RAB38: variants seen among roughly 807,000 people sequenced by gnomAD.
RAB38 encodes ras-related protein Rab-38.
Under a neutral mutation model 18.4 loss-of-function variants are expected in RAB38, and 15 were observed. That is an observed-to-expected ratio of 0.82 (90% CI 0.55 to 1.26). RAB38 has a LOEUF of 1.26. Among genes scored for constraint, RAB38 ranks in the 50% most tolerant of loss-of-function variants. RAB38 has a pLI of 0.00. For missense variants in RAB38, 294 were observed against 267.4 expected, an observed-to-expected ratio of 1.10 and a Z score of -0.69; for synonymous variants, 101 against 104.4, an observed-to-expected ratio of 0.97 and a Z score of 0.20.
chr11:88,008,834 C>T, the RAB38 span, among the ~76,000 whole-genome samples: 2 of 152,116 alleles, frequency 1.3e-5, no homozygotes, highest in Non-Finnish European at 2.9e-5. Flanking sequence ...CCACCACGCC[C>T]GGCTAATTTT....
At chr11:88,108,812 C>CAGGCG (rs1942436077), downstream of RAB38, among the ~76,000 whole-genome samples, 1 of 152,150 alleles carries the variant, frequency 6.6e-6, no homozygotes, top group Non-Finnish European at 1.5e-5. Flanking sequence ...TCTTCAGGAG[C>CAGGCG]TCTTGTAAAG....
At chr11:88,098,819 A>T in the RAB38 span, 2 of 151,892 alleles carry the variant, frequency 1.3e-5, no homozygotes, top group Non-Finnish European at 2.9e-5. Flanking sequence ...TATGTTGCTT[A>T]TACTTGTGGT....
chr11:88,017,377 AC>A, the RAB38 span, among the ~76,000 whole-genome samples: 1 of 151,918 alleles, frequency 6.6e-6, no homozygotes, highest in Non-Finnish European at 1.5e-5. Context: ...ACACACACAC[AC>A]ACAAACGCAA....
the RAB38 span, among the ~76,000 whole-genome samples, chr11:87,940,166 CAAAAAAA>C: frequency 3.1e-5 from 4 of 127,462 alleles, no homozygotes; most frequent in African/African-American, 1.2e-4. Flanking sequence ...CCAGATAATA[CAAAAAAA>C]AAAAAAAGAG....
intron 1 of RAB38, 56 bp downstream of exon 1, chr11:88,175,127 A>G (rs1020725741): frequency 2.0e-6 from 3 of 1,488,052 alleles, no homozygotes; most frequent in Non-Finnish European, 2.7e-6. Context: ...CTGCCTCGAG[A>G]CTGGAAACCG....
At chr11:87,957,693 T>C in the RAB38 span, among the ~76,000 whole-genome samples, 3 of 151,960 alleles carry the variant, frequency 2.0e-5, no homozygotes, top group Non-Finnish European at 4.4e-5. Flanking sequence ...GAGAGTGACG[T>C]TTCTAGGTTT....
At chr11:87,973,368 C>T in the RAB38 span, among the ~76,000 whole-genome samples, 1 of 152,004 alleles carries the variant, frequency 6.6e-6, no homozygotes, top group East Asian at 1.9e-4. Flanking sequence ...CCACCTGATG[C>T]AAATAACTCT....
chr11:87,959,419 G>A, the RAB38 span, among the ~76,000 whole-genome samples: 15 of 152,104 alleles, frequency 9.9e-5, 1 homozygote, highest in South Asian at 2.5e-3. Flanking sequence ...GTACAAGAAC[G>A]CATATTCATA....
intron 2 of RAB38, among the ~76,000 whole-genome samples, chr11:88,117,279 T>C (rs1942567009): frequency 6.6e-6 from 1 of 152,186 alleles, no homozygotes; most frequent in South Asian, 2.1e-4. Flanking sequence ...CTGACTGAGC[T>C]TACCTACTAG....
At chr11:88,012,302 G>A in the RAB38 span, among the ~76,000 whole-genome samples, 1 of 152,142 alleles carries the variant, frequency 6.6e-6, no homozygotes, top group African/African-American at 2.4e-5. Flanking sequence ...AAGGACACTG[G>A]AGGAAGTAAC....
the RAB38 span, among the ~76,000 whole-genome samples, chr11:88,063,329 A>C: frequency 1.3e-5 from 2 of 152,100 alleles, no homozygotes; most frequent in African/African-American, 4.8e-5. Context: ...TAAGCTTTGA[A>C]ATTACCCTTT....
chr11:87,943,519 A>ATGAT, the RAB38 span, among the ~76,000 whole-genome samples: 1 of 152,118 alleles, frequency 6.6e-6, no homozygotes, highest in Non-Finnish European at 1.5e-5. Context: ...TGAGAAACAA[A>ATGAT]TGATTGATAG....
At chr11:87,920,247 T>A in the RAB38 span, among the ~76,000 whole-genome samples, 1 of 151,916 alleles carries the variant, frequency 6.6e-6, no homozygotes. Flanking sequence ...TTATTTGGGA[T>A]CTTTCTTCTT....
the RAB38 span, among the ~76,000 whole-genome samples, chr11:88,030,273 G>T: frequency 6.6e-6 from 1 of 152,200 alleles, no homozygotes; most frequent in African/African-American, 2.4e-5. Context: ...ACAAGAGAAA[G>T]CAGGAGAGAT....
chr11:87,831,901 T>G, the RAB38 span, among the ~76,000 whole-genome samples: 1 of 152,152 alleles, frequency 6.6e-6, no homozygotes. Flanking sequence ...TAGCCAGAAG[T>G]GCAAAAAGGA....
the RAB38 span, among the ~76,000 whole-genome samples, chr11:87,925,495 A>T: frequency 1.3e-5 from 2 of 152,074 alleles, no homozygotes; most frequent in Non-Finnish European, 2.9e-5. Context: ...ACAGTTGTTT[A>T]TCTGCTCAAT....
At chr11:88,035,980 G>T in the RAB38 span, among the ~76,000 whole-genome samples, 1 of 151,612 alleles carries the variant, frequency 6.6e-6, no homozygotes, top group Non-Finnish European at 1.5e-5. Context: ...CCCCATATGA[G>T]CAAAAAATAA....
the RAB38 span, among the ~76,000 whole-genome samples, chr11:87,944,196 AAGTG>A: frequency 1.3e-5 from 2 of 152,206 alleles, no homozygotes; most frequent in Admixed American, 1.3e-4. Flanking sequence ...AATGCTAACA[AAGTG>A]AGCACATCCT....
chr11:87,959,951 G>A, the RAB38 span, among the ~76,000 whole-genome samples: 1 of 152,060 alleles, frequency 6.6e-6, no homozygotes, highest in African/African-American at 2.4e-5. Flanking sequence ...TCAAATCACT[G>A]TTTTTTGGGT....
Sources: gnomAD v4.1 joint callset for allele counts (sites outside exome capture counted in the v4.1 genomes callset) on GRCh38, gnomAD v4.1.1 for gene constraint, MANE v1.5 for transcripts, NCBI Gene and HGNC (gene_info 2026-07-23, HGNC 2026-07-21) for gene names.